Variants in DLG1 observed in about 807,000 individuals in gnomAD.
DLG1 encodes the protein disks large homolog 1.
DLG1 carries 42 observed loss-of-function variants against 123.4 expected under a neutral mutation model. The observed-to-expected ratio is 0.34, with a 90% confidence interval of 0.27 to 0.44. The LOEUF (loss-of-function observed/expected upper bound fraction) is 0.44, where lower values mean the gene tolerates loss of function less well. Ranked by LOEUF, DLG1 falls within the 20% of genes least tolerant of loss-of-function variation. DLG1 has a pLI of 1.00. For missense variants in DLG1, 942 were observed against 1,082.6 expected, an observed-to-expected ratio of 0.87 and a Z score of 1.82; for synonymous variants, 317 against 356.2, an observed-to-expected ratio of 0.89 and a Z score of 1.24.
intron 24 of DLG1, among the ~76,000 whole-genome samples, chr3:197,047,574 A>G (rs961755731): frequency 2.0e-5 from 3 of 152,192 alleles, no homozygotes; most frequent in African/African-American, 7.2e-5. Flanking sequence ...AAATAAGAAT[A>G]TTGGGGAGTT....
intron 6 of DLG1, among the ~76,000 whole-genome samples, chr3:197,145,866 C>T (rs1266283286): frequency 2.8e-5 from 3 of 105,648 alleles, no homozygotes; most frequent in Non-Finnish European, 5.8e-5. Flanking sequence ...GGGCGGGGGC[C>T]AAGGGGTGGG....
At chr3:197,214,208 A>T (rs542120204) in intron 4 of DLG1, among the ~76,000 whole-genome samples, 36 of 152,326 alleles carry the variant, frequency 2.4e-4, no homozygotes, top group African/African-American at 8.2e-4. Flanking sequence ...TACCTATTAG[A>T]TCACAGACCT....
chr3:197,250,495 C>G (rs1034889355), intron 4 of DLG1, among the ~76,000 whole-genome samples: 58 of 149,554 alleles, frequency 3.9e-4, no homozygotes, highest in African/African-American at 1.4e-3. Context: ...GTTGAACCTG[C>G]AAGACAGAGG....
At chr3:197,151,459 AATAT>A (rs1339486819) in intron 5 of DLG1, among the ~76,000 whole-genome samples, 1 of 152,184 alleles carries the variant, frequency 6.6e-6, no homozygotes, top group Non-Finnish European at 1.5e-5. Flanking sequence ...CTAATATTGA[AATAT>A]ATATAAACGA....
chr3:197,267,913 G>A (rs1762375608), intron 4 of DLG1, among the ~76,000 whole-genome samples: 1 of 152,100 alleles, frequency 6.6e-6, no homozygotes, highest in Admixed American at 6.6e-5. Flanking sequence ...GGGAACAGAG[G>A]CCCAAGACAG....
intron 5 of DLG1, among the ~76,000 whole-genome samples, chr3:197,154,932 G>C (rs1256714943): frequency 6.6e-6 from 1 of 152,004 alleles, no homozygotes; most frequent in Non-Finnish European, 1.5e-5. Context: ...AGAACCTAAG[G>C]GACCCGTGAG....
At chr3:197,166,325 G>A (rs1801383687) in intron 5 of DLG1, among the ~76,000 whole-genome samples, 1 of 152,122 alleles carries the variant, frequency 6.6e-6, no homozygotes, top group Non-Finnish European at 1.5e-5. Context: ...ACTGACAGCA[G>A]GTTTCCTTGC....
At chr3:197,069,111 C>T (rs562978212) in intron 19 of DLG1, 108 bp downstream of exon 19, 21 of 617,770 alleles carry the variant, frequency 3.4e-5, no homozygotes, top group East Asian at 2.9e-4. Flanking sequence ...TTTAAAATAA[C>T]GATCATATAA....
At chr3:197,046,761 T>C (rs1343953272) in intron 24 of DLG1, among the ~76,000 whole-genome samples, 1 of 152,040 alleles carries the variant, frequency 6.6e-6, no homozygotes, top group Non-Finnish European at 1.5e-5. Flanking sequence ...TCCCAGCTCC[T>C]TGGGAGGCTG....
At chr3:197,225,561 G>A (rs112634805) in intron 4 of DLG1, among the ~76,000 whole-genome samples, 153 of 152,294 alleles carry the variant, frequency 1.0e-3, no homozygotes, top group Non-Finnish European at 1.8e-3. Flanking sequence ...CGTATCAATG[G>A]TGTTTCCTGT....
intron 4 of DLG1, among the ~76,000 whole-genome samples, chr3:197,244,489 C>G (rs1164252207): frequency 6.6e-6 from 1 of 151,970 alleles, no homozygotes; most frequent in Non-Finnish European, 1.5e-5. Flanking sequence ...TGTTTTAGAT[C>G]TTTTACCTCT....
chr3:197,131,583 T>A (rs534075280), intron 10 of DLG1, among the ~76,000 whole-genome samples: 58 of 99,368 alleles, frequency 5.8e-4, no homozygotes, highest in African/African-American at 1.6e-3. Flanking sequence ...TTTCTTCCTT[T>A]CTTTTTTTTT....
intron 14 of DLG1, among the ~76,000 whole-genome samples, chr3:197,103,479 TA>T (rs1764650920): frequency 6.6e-6 from 1 of 152,048 alleles, no homozygotes; most frequent in South Asian, 2.1e-4. Flanking sequence ...GGCCAGAAGA[TA>T]AAAGTACAAC....
intron 5 of DLG1, among the ~76,000 whole-genome samples, chr3:197,151,154 T>C (rs1383566244): frequency 2.0e-5 from 3 of 152,118 alleles, no homozygotes; most frequent in African/African-American, 7.2e-5. Context: ...GTATTTTACG[T>C]TGCTAAAAAA....
rs1036022931 is a variant in DLG1, at chr3:197,140,172, T to C, written c.681A>G (p.Thr227=). 15 of 1,613,436 alleles carry C rather than the reference T, an allele frequency of 9.3e-6. No individual in the cohort carries two copies. Among genetic ancestry groups the C allele is most frequent in the Non-Finnish European group, 1.3e-5 (15 of 1,179,680 alleles). ...TTCCATCTTGGGCGGCTGCTCCCCC[T>C]GTGATAATTTTGGTAATGAAAATAC... The part of the protein sequence containing the change: ...DSSIFITKII[T]GGAAAQDGRL... The change falls in exon 8 of 25, where the codon ACA becomes ACG. Residue 227 remains threonine, a synonymous_variant. Coordinates refer to ENST00000667157, the MANE Select transcript of DLG1 (RefSeq NM_001366207.1).
At chr3:197,084,766 T>A (rs534380603) in intron 16 of DLG1, among the ~76,000 whole-genome samples, 3 of 151,596 alleles carry the variant, frequency 2.0e-5, no homozygotes, top group African/African-American at 7.3e-5. Flanking sequence ...TGTGTATATT[T>A]TATATATATA....
intron 5 of DLG1, among the ~76,000 whole-genome samples, chr3:197,163,150 A>G (rs959584765): frequency 6.6e-6 from 1 of 152,214 alleles, no homozygotes; most frequent in Non-Finnish European, 1.5e-5. Context: ...ATAATGAGAG[A>G]TTACTTCACC....
At chr3:197,107,059 C>T (rs934234395) in intron 13 of DLG1, among the ~76,000 whole-genome samples, 1 of 152,182 alleles carries the variant, frequency 6.6e-6, no homozygotes, top group African/African-American at 2.4e-5. Context: ...TACGAAGCTA[C>T]TTTCTGACCA....
At chr3:197,158,039 C>CT (rs1485474994) in intron 5 of DLG1, among the ~76,000 whole-genome samples, 2 of 152,170 alleles carry the variant, frequency 1.3e-5, no homozygotes, top group Non-Finnish European at 2.9e-5. Context: ...TCTGTAATCT[C>CT]TGACAAGACA....
Sources: gnomAD v4.1 joint callset for allele counts (sites outside exome capture counted in the v4.1 genomes callset) on GRCh38, gnomAD v4.1.1 for gene constraint, MANE v1.5 for transcripts, NCBI Gene and HGNC (gene_info 2026-07-23, HGNC 2026-07-21) for gene names.